The following DLGAP2 variants were observed in gnomAD, a reference collection of about 807,000 sequenced individuals.
The protein encoded by DLGAP2 is DLG associated protein 2.
In DLGAP2, 26 loss-of-function variants were observed where a neutral mutation model predicts 100.3. The observed-to-expected ratio is 0.26, with a 90% CI of 0.19 to 0.36. The LOEUF (loss-of-function observed/expected upper bound fraction) is 0.36. DLGAP2 is among the 10% of genes least tolerant of loss of function. The probability of loss-of-function intolerance (pLI) is 1.00; values close to 1 mark genes in which losing one functional copy is unlikely to be tolerated. For missense variants in DLGAP2, 1,858 were observed against 1,453.2 expected, an observed-to-expected ratio of 1.28 and a Z score of -4.53; for synonymous variants, 886 against 630.1, an observed-to-expected ratio of 1.41 and a Z score of -6.08.
chr8:747,580 A>T (rs1820657145), intron 1 of DLGAP2, among the ~76,000 whole-genome samples: 1 of 110,760 alleles, frequency 9.0e-6, no homozygotes, highest in Non-Finnish European at 1.8e-5. Flanking sequence ...CTGCAGCAGT[A>T]TGAGGGGCTC....
chr8:1,541,929 G>T (rs978594100), intron 4 of DLGAP2, among the ~76,000 whole-genome samples: 1 of 152,148 alleles, frequency 6.6e-6, no homozygotes, highest in African/African-American at 2.4e-5. Flanking sequence ...GAGAATGAAG[G>T]CAAAGAAAAG....
At chr8:801,404 G>A (rs1482203270) in intron 1 of DLGAP2, among the ~76,000 whole-genome samples, 2 of 152,132 alleles carry the variant, frequency 1.3e-5, no homozygotes, top group African/African-American at 2.4e-5. Context: ...ATAAGGCCCC[G>A]TGGGCCCCAC....
chr8:950,331 G>C (rs1438455217), intron 2 of DLGAP2, among the ~76,000 whole-genome samples: 1 of 152,144 alleles, frequency 6.6e-6, no homozygotes, highest in Non-Finnish European at 1.5e-5. Context: ...TTACAAAAGA[G>C]CACTTCCCAG....
intron 2 of DLGAP2, among the ~76,000 whole-genome samples, chr8:1,209,138 G>A (rs1387848673): frequency 4.6e-5 from 7 of 152,046 alleles, no homozygotes; most frequent in African/African-American, 1.7e-4. Flanking sequence ...CTTCACAGAA[G>A]TAGAAAAAAC....
chr8:899,092 C>T (rs1470564851), intron 1 of DLGAP2, among the ~76,000 whole-genome samples: 1 of 152,228 alleles, frequency 6.6e-6, no homozygotes, highest in Admixed American at 6.5e-5. Flanking sequence ...CAGCTCATCC[C>T]AGTGCTGGTG....
intron 3 of DLGAP2, among the ~76,000 whole-genome samples, chr8:1,448,249 C>G (rs1052396519): frequency 6.6e-6 from 1 of 152,070 alleles, no homozygotes; most frequent in South Asian, 2.1e-4. Context: ...CCTCTACACA[C>G]TGCTTTGAAT....
intron 4 of DLGAP2, among the ~76,000 whole-genome samples, chr8:1,509,853 C>G (rs761620642): frequency 1.6e-4 from 24 of 152,162 alleles, no homozygotes; most frequent in South Asian, 4.1e-4. Context: ...ATTGCTCATA[C>G]GCTGTGACCA....
intron 1 of DLGAP2, among the ~76,000 whole-genome samples, chr8:873,199 G>T (rs1174418564): frequency 9.2e-5 from 14 of 152,094 alleles, no homozygotes; most frequent in Non-Finnish European, 1.5e-5. Context: ...CTTCAACCTT[G>T]CCAAACTCAT....
In DLGAP2 at chr8:974,374, G is replaced by A. The variant is rs1412359898; in HGVS notation, c.73+66408G>A. ...AAAAGTTGATTCAAATATTTAAAGT[G>A]TTGAAAGAAATAAGTAAAACACCAA... On this transcript the variant is annotated intron_variant, in intron 2 of 14. Coordinates refer to ENST00000637795, the MANE Select transcript of DLGAP2 (RefSeq NM_001346810.2). Among the ~76,000 whole-genome samples the A allele has an allele frequency of 2.0e-5, 3 of 152,174 alleles. No homozygotes were observed. In the East Asian group the frequency reaches 5.8e-4, roughly 29 times the overall value.
intron 3 of DLGAP2, among the ~76,000 whole-genome samples, chr8:1,292,623 A>G (rs1800084087): frequency 1.3e-5 from 2 of 152,200 alleles, no homozygotes; most frequent in Admixed American, 6.5e-5. Context: ...GAGCAAAAAG[A>G]CAACACATAT....
chr8:814,160 G>GT (rs1174206792), intron 1 of DLGAP2, among the ~76,000 whole-genome samples: 1 of 152,132 alleles, frequency 6.6e-6, no homozygotes, highest in African/African-American at 2.4e-5. Context: ...TCACAATTTA[G>GT]TTTATTTTCC....
chr8:1,434,142 C>T (rs182768054), intron 3 of DLGAP2, among the ~76,000 whole-genome samples: 20 of 152,168 alleles, frequency 1.3e-4, no homozygotes, highest in Admixed American at 5.9e-4. Context: ...CTGAGGGTTT[C>T]GCATTGGAGG....
intron 2 of DLGAP2, among the ~76,000 whole-genome samples, chr8:1,105,326 A>G (rs1486593117): frequency 6.6e-6 from 1 of 152,214 alleles, no homozygotes; most frequent in African/African-American, 2.4e-5. Flanking sequence ...GTGGAACTGT[A>G]GGGGTCTCAT....
chr8:737,969 G>C (rs564802472), intron 1 of DLGAP2, 144 bp downstream of exon 1: 1 of 336,132 alleles, frequency 3.0e-6, no homozygotes, highest in South Asian at 1.4e-4. Flanking sequence ...CGTGCCGCCC[G>C]CCGGGGCCGG....
intron 3 of DLGAP2, among the ~76,000 whole-genome samples, chr8:1,495,305 C>T (rs1799511434): frequency 1.3e-5 from 2 of 152,112 alleles, no homozygotes; most frequent in African/African-American, 2.4e-5. Context: ...AGATGCCCGG[C>T]AGCTGTGGGG....
intron 1 of DLGAP2, among the ~76,000 whole-genome samples, chr8:861,243 C>A (rs1221762291): frequency 3.3e-5 from 5 of 152,138 alleles, no homozygotes; most frequent in Non-Finnish European, 7.3e-5. Context: ...AATGTCCTAG[C>A]TATCACGGGA....
intron 3 of DLGAP2, among the ~76,000 whole-genome samples, chr8:1,475,077 C>A (rs1017005136): frequency 1.1e-4 from 17 of 152,152 alleles, no homozygotes; most frequent in Non-Finnish European, 2.2e-4. Flanking sequence ...CATGTCCTCG[C>A]AGAGACACGG....
intron 2 of DLGAP2, among the ~76,000 whole-genome samples, chr8:946,373 T>G (rs564200833): frequency 6.6e-6 from 1 of 151,858 alleles, no homozygotes; most frequent in Non-Finnish European, 1.5e-5. Flanking sequence ...ACACCATTCT[T>G]CTGCCTCAGA....
intron 3 of DLGAP2, among the ~76,000 whole-genome samples, chr8:1,261,417 A>G (rs977423962): frequency 6.7e-6 from 1 of 149,994 alleles, no homozygotes; most frequent in African/African-American, 2.5e-5. Flanking sequence ...CAGCTTCCAG[A>G]TCTTTAAAAC....
Sources: allele counts gnomAD v4.1 joint callset (sites outside exome capture counted in the v4.1 genomes callset), GRCh38; gene constraint gnomAD v4.1.1; transcripts MANE v1.5; gene names NCBI Gene and HGNC (gene_info 2026-07-23, HGNC 2026-07-21).